MAN1B1: variants seen among roughly 807,000 people sequenced by gnomAD.
MAN1B1 encodes the protein endoplasmic reticulum mannosyl-oligosaccharide 1,2-alpha-mannosidase.
Under a neutral mutation model 75.5 loss-of-function variants are expected in MAN1B1, and 66 were observed. The ratio of observed to expected loss-of-function variants is 0.87; its 90% CI spans 0.72 to 1.07. The LOEUF (loss-of-function observed/expected upper bound fraction) is 1.07. MAN1B1 is among the 50% of genes least tolerant of loss of function. The pLI, the probability that MAN1B1 is intolerant of heterozygous loss-of-function variation, is 0.00. For synonymous variants in MAN1B1, 453 were observed against 382.8 expected (o/e 1.18, Z -2.14); for missense variants, 973 against 912.5 (o/e 1.07, Z -0.85).
At chr9:137,087,674 G>A (rs1830410699) in intron 1 of MAN1B1, 3 of 404,176 alleles carry the variant, frequency 7.4e-6, no homozygotes, top group African/African-American at 4.1e-5. Flanking sequence ...CCTGGGCGGT[G>A]CCTGGGCTAC....
At chr9:137,107,163 C>G in intron 10 of MAN1B1, 87 bp from the exon 11 acceptor site, 2 of 1,428,492 alleles carry the variant, frequency 1.4e-6, no homozygotes, top group Non-Finnish European at 1.9e-6. Context: ...GCCGAGGCAG[C>G]GCTGGGCTCC....
chr9:137,101,007 T>C lies in MAN1B1; in HGVS notation c.919T>C (p.Phe307Leu). 1 of 1,614,188 alleles carries C rather than the reference T, an allele frequency of 6.2e-7. No individual in the cohort carries two copies. Among genetic ancestry groups the C allele is most frequent in the Non-Finnish European group, 8.5e-7 (1 of 1,180,036 alleles). The change falls in exon 7 of 13, where the codon TTT (phenylalanine) becomes CTT (leucine). Residue 307 changes from phenylalanine (F) to leucine (L), a missense_variant and splice_region_variant. By Grantham distance (22) the Phe-to-Leu change is conservative (BLOSUM62 0). Coordinates refer to ENST00000371589, the MANE Select transcript of MAN1B1 (RefSeq NM_016219.5). ...TCCTTTACTGTTTTATGTCATAGAA[T>C]TTGAGGAAGCCAGGAAGTGGGTGTC... is the stretch of plus-strand genomic sequence containing the variant. ...TMWILGLRKEFEEARKWVSKK... is the reference protein window; with the variant it reads ...TMWILGLRKELEEARKWVSKK...
chr9:137,106,083 C>A, intron 8 of MAN1B1, 42 bp from the exon 9 acceptor site: 1 of 1,537,696 alleles, frequency 6.5e-7, no homozygotes, highest in Non-Finnish European at 9.0e-7. Context: ...CCCTGCAGCT[C>A]GGCCCTGGCC....
intron 3 of MAN1B1, among the ~76,000 whole-genome samples, chr9:137,095,805 C>T (rs1408899433): frequency 1.3e-5 from 2 of 152,138 alleles, no homozygotes; most frequent in African/African-American, 2.4e-5. Flanking sequence ...CAGCAGGGGG[C>T]GCCTGGCAAG....
At chr9:137,095,269 G>C (rs1014548027) in intron 3 of MAN1B1, among the ~76,000 whole-genome samples, 1 of 151,636 alleles carries the variant, frequency 6.6e-6, no homozygotes, top group Non-Finnish European at 1.5e-5. Flanking sequence ...TGCCCAGGTT[G>C]GTCTTGAACT....
chr9:137,098,927 T>G (rs949702438), intron 5 of MAN1B1, among the ~76,000 whole-genome samples: 3 of 152,164 alleles, frequency 2.0e-5, no homozygotes, highest in African/African-American at 7.2e-5. Flanking sequence ...CCTTCTGGGT[T>G]CAAGCAAGTC....
At chr9:137,096,476 G>C in intron 4 of MAN1B1, 85 bp downstream of exon 4, 5 of 1,510,350 alleles carry the variant, frequency 3.3e-6, no homozygotes, top group Non-Finnish European at 4.5e-6. Flanking sequence ...TTGTGTCTGA[G>C]ATCTATTTTC....
rs937581877 is a variant in MAN1B1 at position 137,106,599 on chromosome 9, T to G, written c.1446-90T>G. On this transcript the variant is annotated intron_variant, in intron 9 of 12. Coordinates refer to ENST00000371589, the MANE Select transcript of MAN1B1 (RefSeq NM_016219.5). The stretch of plus-strand genomic sequence containing the variant: ...CCGGCAAGGGCCAGGCCTGCTGTAC[T>G]TGTGTGGGCCCAGGATGTGCCTGTC... The G allele has an allele frequency of 3.0e-5, 48 of 1,592,838 alleles. 2 individuals carry two copies. In the South Asian group the frequency reaches 5.3e-4, roughly 18 times the overall value.
At chr9:137,101,790 A>G in intron 8 of MAN1B1, 118 bp downstream of exon 8, 1 of 1,247,796 alleles carries the variant, frequency 8.0e-7, no homozygotes, top group Non-Finnish European at 1.1e-6. Context: ...TTTTACTGTG[A>G]TAAAACACAC....
rs201997182 is a variant in MAN1B1, at chr9:137,101,572, A to G, written c.1154A>G (p.His385Arg). ...SDVNIGTGVA[H>R]PPRWTSDSTV... ...GTGAACATCGGTACTGGAGTTGCCCACCCGCCACGGTGGACCTCCGACAGC... is the reference window on the plus strand; with the variant it reads ...GTGAACATCGGTACTGGAGTTGCCCGCCCGCCACGGTGGACCTCCGACAGC... Residue 385 changes from histidine to arginine, a missense_variant, in exon 8 of 13, where the codon CAC becomes CGC. Transcript: ENST00000371589. 3 of 1,613,088 alleles carry G rather than the reference A, an allele frequency of 1.9e-6. No homozygotes were observed. Among genetic ancestry groups the G allele is most frequent in the South Asian group, 1.1e-5 (1 of 91,050 alleles).
chr9:137,087,939 T>C (rs1051503806), intron 1 of MAN1B1, 136 bp from the exon 2 acceptor site: 4 of 785,082 alleles, frequency 5.1e-6, no homozygotes, highest in Non-Finnish European at 8.6e-6. Flanking sequence ...GAGACCCTGT[T>C]TCCAAAAAAA....
At chr9:137,095,581 G>A (rs977056882) in intron 3 of MAN1B1, among the ~76,000 whole-genome samples, 1 of 152,086 alleles carries the variant, frequency 6.6e-6, no homozygotes, top group African/African-American at 2.4e-5. Context: ...AAAAATTAAG[G>A]TTTGGTAATA....
intron 3 of MAN1B1, among the ~76,000 whole-genome samples, chr9:137,094,903 A>AC (rs1830614793): frequency 6.9e-6 from 1 of 144,926 alleles, no homozygotes; most frequent in African/African-American, 2.6e-5. Flanking sequence ...AACAAAAAAA[A>AC]CAGGCTGGGC....
At position 137,087,171 on chromosome 9, in the gene MAN1B1, G is replaced by A. The variant is rs753503405; in HGVS notation, c.172G>A (p.Glu58Lys). Residue 58 changes from glutamate to lysine, a missense_variant, in exon 1 of 13, where the codon GAG (glutamate) becomes AAG (lysine). Physicochemically the swap from Glu to Lys is moderately conservative, Grantham distance 56 (BLOSUM62 1). Coordinates refer to ENST00000371589, the MANE Select transcript of MAN1B1 (RefSeq NM_016219.5). ...DFISVTLSFG[E>K]NYDNSKSWRR... ...CATCTCGGTGACGCTGAGCTTTGGC[G>A]AGAACTATGACAACAGCAAGAGTTG... 2 of 1,594,284 alleles carry A rather than the reference G, an allele frequency of 1.3e-6. No homozygotes were observed. The highest frequency in any genetic ancestry group is 1.8e-5 in the Admixed American group (1 of 57,104).
Position 137,089,041 on chromosome 9 carries a change from G to A in MAN1B1, c.465+36G>A, listed in dbSNP as rs1409087342. On this transcript the variant is annotated intron_variant, in intron 3 of 12. Coordinates refer to ENST00000371589, the MANE Select transcript of MAN1B1 (RefSeq NM_016219.5). Reference sequence around the variant, plus strand: ...CAAATGGTGTGGGGTTATAACTGGGGTTCAATCCAGAGGCATTTCAAACCA... The same window carrying A: ...CAAATGGTGTGGGGTTATAACTGGGATTCAATCCAGAGGCATTTCAAACCA... The A allele has an allele frequency of 2.5e-6, 4 of 1,613,166 alleles. No homozygotes were observed. The African/African-American group carries it at 5.3e-5, about 22-fold the overall frequency.
rs1479026765 is a variant in MAN1B1 at position 137,106,213 on chromosome 9, G to C, written c.1343G>C (p.Gly448Ala). 1 of 1,610,468 alleles carries C rather than the reference G, an allele frequency of 6.2e-7. No homozygotes were observed. The highest frequency in any genetic ancestry group is 1.7e-5 in the Admixed American group (1 of 59,630). Residue 448 changes from glycine (G) to alanine (A), a missense_variant, in exon 9 of 13, where the codon GGC becomes GCC. By Grantham distance (60) the Gly-to-Ala change is moderately conservative (BLOSUM62 0). Coordinates refer to ENST00000371589, the MANE Select transcript of MAN1B1 (RefSeq NM_016219.5). ...LVPMFINTHSGLFTHLGVFTL... is the reference protein window; with the variant it reads ...LVPMFINTHSALFTHLGVFTL... The stretch of plus-strand genomic sequence containing the variant: ...CCCATGTTCATCAATACCCACAGTG[G>C]CCTCTTCACCCACCTGGGCGTATTC...
rs1831108049 is a variant in MAN1B1 at position 137,106,398 on chromosome 9, G to GCT, written c.1445+84_1445+85insTC. On this transcript the variant is annotated intron_variant, in intron 9 of 12. Transcript: ENST00000371589. ...ACTCCTGCTGCCCCCAGCTCCCACG[G>GCT]CCCCCGCTCCTGCTGCCCCCCGCCA... The GCT allele has an allele frequency of 6.2e-6, 8 of 1,290,350 alleles. No homozygotes were observed. The South Asian group carries it at 8.2e-5, about 13-fold the overall frequency. 79.9% of individuals were successfully genotyped at this position (1,290,350 alleles called of 1,614,324 possible). A position where few individuals can be genotyped will look rare whatever the true frequency, so the allele number is the denominator to read the frequency against.
intron 5 of MAN1B1, among the ~76,000 whole-genome samples, chr9:137,099,300 C>G (rs1381908096): frequency 6.6e-6 from 1 of 152,268 alleles, no homozygotes; most frequent in African/African-American, 2.4e-5. Context: ...CACACTCACC[C>G]ACGTCTCCAC....
chr9:137,087,531 G>C lies in MAN1B1; in HGVS notation c.219+313G>C, dbSNP rs922138296. Reference sequence around the variant, plus strand: ...CCAGGCGCCTGCCCCTCTTGGAGCGGAAACCGGAGGTTCCCCGTGGTGTAT... The same window carrying C: ...CCAGGCGCCTGCCCCTCTTGGAGCGCAAACCGGAGGTTCCCCGTGGTGTAT... On this transcript the variant is annotated intron_variant, in intron 1 of 12. Transcript: ENST00000371589. 5.7e-5 allele frequency: 34 copies of C among 597,536 alleles called. 1 individual carries two copies. The highest frequency in any genetic ancestry group is 5.2e-4 in the South Asian group (34 of 65,798). The allele number at this position is 597,536 out of a possible 1,614,324, so 37.0% of individuals were successfully genotyped here.
Sources: gnomAD v4.1 joint callset for allele counts (sites outside exome capture counted in the v4.1 genomes callset) on GRCh38, gnomAD v4.1.1 for gene constraint, MANE v1.5 for transcripts, NCBI Gene and HGNC (gene_info 2026-07-23, HGNC 2026-07-21) for gene names.